CNIH3: variants seen among roughly 807,000 people sequenced by gnomAD.
CNIH3 encodes protein cornichon homolog 3.
In CNIH3, 14 loss-of-function variants were observed where a neutral mutation model predicts 24.1. That is an observed-to-expected ratio of 0.58 (90% CI 0.38 to 0.91). The LOEUF (loss-of-function observed/expected upper bound fraction) is 0.91, where lower values mean the gene tolerates loss of function less well. Among genes scored for constraint, CNIH3 ranks in the 40% least tolerant of loss-of-function variants. The pLI is 0.00. For missense variants in CNIH3, 178 were observed against 196.8 expected, an observed-to-expected ratio of 0.90 and a Z score of 0.57; for synonymous variants, 68 against 73.8, an observed-to-expected ratio of 0.92 and a Z score of 0.40.
At position 224,462,786 on chromosome 1, in the gene CNIH3, C is replaced by T. The variant is rs182475396; in HGVS notation, n.203+27924C>T. 8.4e-3 allele frequency among the ~76,000 whole-genome samples: 1,267 copies of T among 151,490 alleles called. 22 individuals are homozygous for T. Among genetic ancestry groups the T allele is most frequent in the African/African-American group, 0.03 (1,224 of 41,274 alleles). ...TCCTGAGTAGCTGGGTCTGCAGGCA[C>T]GCACCACCACACCTGGCTAATTTTT... is the stretch of plus-strand genomic sequence containing the variant. On this transcript the variant is annotated intron_variant and non_coding_transcript_variant, in intron 1 of 5. Transcript: ENST00000471578.
At chr1:224,571,785 A>T (rs553587544) in intron 4 of CNIH3, among the ~76,000 whole-genome samples, 1 of 152,296 alleles carries the variant, frequency 6.6e-6, no homozygotes, top group South Asian at 2.1e-4. Flanking sequence ...ACTGACTGGG[A>T]CCTGCAGGGG....
At chr1:224,454,359 A>T in intron 1 of CNIH3, 1 of 949,254 alleles carries the variant, frequency 1.1e-6, no homozygotes, top group South Asian at 4.9e-5. Flanking sequence ...GTTAAAAATA[A>T]TTCAACTATA....
intron 4 of CNIH3, among the ~76,000 whole-genome samples, chr1:224,578,946 C>T (rs1681150843): frequency 6.6e-6 from 1 of 152,090 alleles, no homozygotes; most frequent in Admixed American, 6.6e-5. Flanking sequence ...GTTTTCCATC[C>T]AGGGATATCT....
intron 3 of CNIH3, among the ~76,000 whole-genome samples, chr1:224,609,017 T>C (rs1682560316): frequency 6.6e-6 from 1 of 152,184 alleles, no homozygotes; most frequent in Non-Finnish European, 1.5e-5. Flanking sequence ...GGAGACTGCC[T>C]CTCTCTGGCA....
downstream of CNIH3, among the ~76,000 whole-genome samples, chr1:224,589,506 C>G (rs1447973076): frequency 1.3e-5 from 2 of 152,206 alleles, no homozygotes. Context: ...TCAAAGCTGA[C>G]TCCTAGGGGG....
chr1:224,523,323 A>G (rs999552817), intron 2 of CNIH3, among the ~76,000 whole-genome samples: 1 of 152,240 alleles, frequency 6.6e-6, no homozygotes, highest in African/African-American at 2.4e-5. Context: ...CAGAGTGGGT[A>G]AATACGTTGT....
intron 1 of CNIH3, among the ~76,000 whole-genome samples, chr1:224,676,565 C>T (rs534524223): frequency 6.6e-6 from 1 of 152,212 alleles, no homozygotes; most frequent in South Asian, 2.1e-4. Context: ...TAAAGTTCAC[C>T]TAAAGTTCAG....
Position 224,498,413 on chromosome 1 carries a change from G to T in CNIH3, n.204-17328G>T, listed in dbSNP as rs113686964. On this transcript the variant is annotated intron_variant and non_coding_transcript_variant, in intron 1 of 5. Transcript: ENST00000471578. ...TAACAGGAAGCCAGTAACCAGTAAA[G>T]TCAAAAGCTTATATGCAACTCTCTG... 2.4e-3 allele frequency among the ~76,000 whole-genome samples: 363 copies of T among 152,246 alleles called. 1 individual carries two copies. The highest frequency in any genetic ancestry group is 8.5e-3 in the African/African-American group (354 of 41,538).
intron 1 of CNIH3, among the ~76,000 whole-genome samples, chr1:224,462,852 AG>A (rs1558082301): frequency 6.8e-6 from 1 of 147,424 alleles, no homozygotes; most frequent in African/African-American, 2.5e-5. Flanking sequence ...CAAAACACCT[AG>A]GCTCAAGTGA....
intron 3 of CNIH3, among the ~76,000 whole-genome samples, chr1:224,728,347 A>G (rs994460833): frequency 2.6e-5 from 4 of 152,130 alleles, no homozygotes; most frequent in South Asian, 2.1e-4. Context: ...ATTGGTTATC[A>G]CAGCTCTGAG....
chr1:224,702,377 A>G (rs562354789), intron 3 of CNIH3, among the ~76,000 whole-genome samples: 111 of 152,314 alleles, frequency 7.3e-4, no homozygotes, highest in Middle Eastern at 3.4e-3. Flanking sequence ...GTCAGGCAAG[A>G]GGGTATATAA....
intron 3 of CNIH3, among the ~76,000 whole-genome samples, chr1:224,608,698 C>A (rs2125049180): frequency 6.6e-6 from 1 of 152,328 alleles, no homozygotes; most frequent in African/African-American, 2.4e-5. Context: ...CTTCTTCTTT[C>A]TTTGGAGGCA....
intron 3 of CNIH3, among the ~76,000 whole-genome samples, chr1:224,691,264 T>G (rs1686917238): frequency 6.6e-6 from 1 of 152,222 alleles, no homozygotes. Context: ...CTTGTGCAGC[T>G]GCACAGGTCA....
At chr1:224,677,618 G>A (rs569015366) in intron 1 of CNIH3, among the ~76,000 whole-genome samples, 3 of 152,288 alleles carry the variant, frequency 2.0e-5, no homozygotes, top group Admixed American at 6.5e-5. Flanking sequence ...TAGGTGAGGC[G>A]CTGAGGTGGG....
intron 3 of CNIH3, among the ~76,000 whole-genome samples, chr1:224,563,947 C>T (rs114104110): frequency 6.8e-4 from 103 of 152,286 alleles, no homozygotes; most frequent in African/African-American, 2.5e-3. Flanking sequence ...TATCTCCCCA[C>T]AGAGAGGACA....
intron 1 of CNIH3, among the ~76,000 whole-genome samples, chr1:224,462,209 C>T (rs532777902): frequency 6.6e-6 from 1 of 152,256 alleles, no homozygotes; most frequent in South Asian, 2.1e-4. Flanking sequence ...TTCACTCTTA[C>T]CCTAATGTAG....
chr1:224,738,970 G>A (rs1001033107), intron 5 of CNIH3, among the ~76,000 whole-genome samples: 1 of 152,074 alleles, frequency 6.6e-6, no homozygotes, highest in Admixed American at 6.5e-5. Flanking sequence ...GGCAGCTGGT[G>A]GCATAAAGAA....
At chr1:224,571,087 T>C (rs1025450216) in intron 4 of CNIH3, among the ~76,000 whole-genome samples, 1 of 152,230 alleles carries the variant, frequency 6.6e-6, no homozygotes, top group African/African-American at 2.4e-5. Flanking sequence ...TAGAGCTTTT[T>C]AATAATTCTT....
chr1:224,651,617 C>T (rs773845205), intron 1 of CNIH3, among the ~76,000 whole-genome samples: 1 of 152,198 alleles, frequency 6.6e-6, no homozygotes, highest in Non-Finnish European at 1.5e-5. Context: ...TGCATCTCTG[C>T]ATCTTGCTTT....
Sources: allele counts gnomAD v4.1 joint callset (sites outside exome capture counted in the v4.1 genomes callset), GRCh38; gene constraint gnomAD v4.1.1; transcripts MANE v1.5; gene names NCBI Gene and HGNC (gene_info 2026-07-23, HGNC 2026-07-21).